The following CNTRL variants were observed in gnomAD, a reference collection of about 807,000 sequenced individuals.
The protein encoded by CNTRL is centriolin.
CNTRL carries 233 observed loss-of-function variants against 303.7 expected under a neutral mutation model. The ratio of observed to expected loss-of-function variants is 0.77; its 90% CI spans 0.69 to 0.86. CNTRL has a LOEUF of 0.86. Ranked by LOEUF, CNTRL falls within the 40% of genes least tolerant of loss-of-function variation. The pLI is 0.00. For missense variants in CNTRL, 2,524 were observed against 2,650.6 expected, an observed-to-expected ratio of 0.95 and a Z score of 1.05; for synonymous variants, 900 against 922.2, an observed-to-expected ratio of 0.98 and a Z score of 0.44.
At chr9:121,128,601 C>G (rs544575118) in intron 14 of CNTRL, among the ~76,000 whole-genome samples, 1 of 152,174 alleles carries the variant, frequency 6.6e-6, no homozygotes, top group Non-Finnish European at 1.5e-5. Context: ...TGCCTGTTCA[C>G]TCTGATGGTA....
chr9:121,117,823 CA>C (rs2050047672), intron 11 of CNTRL, among the ~76,000 whole-genome samples: 1 of 151,894 alleles, frequency 6.6e-6, no homozygotes, highest in South Asian at 2.1e-4. Context: ...ACTAAAAATA[CA>C]AAAAATTAGC....
At position 121,160,240 on chromosome 9, in the gene CNTRL, A is replaced by C. The variant is rs751358588; in HGVS notation, c.5027A>C (p.Glu1676Ala). ...ACTCAACTTACACTTATAAAGCAGG[A>C]AATTGAAAAAGAGGAAGAAAATCTT... Reference protein sequence around the residue: ...RKTQLTLIKQEIEKEEENLQV... With the variant: ...RKTQLTLIKQAIEKEEENLQV... Residue 1676 changes from glutamate (E) to alanine (A), a missense_variant, in exon 32 of 44, where the codon GAA becomes GCA. Transcript: ENST00000373855. The C allele has an allele frequency of 1.3e-6, 2 of 1,565,374 alleles. No homozygotes were observed. Among genetic ancestry groups the C allele is most frequent in the Middle Eastern group, 1.7e-4 (1 of 5,912 alleles).
rs188280309 is a variant in CNTRL at position 121,122,043 on chromosome 9, G to C, written c.1651-1888G>C. 764 of 463,176 alleles carry C rather than the reference G, an allele frequency of 1.6e-3. 2 individuals are homozygous for C. The highest frequency in any genetic ancestry group is 2.1e-3 in the Non-Finnish European group (731 of 352,620). 28.7% of individuals were successfully genotyped at this position (463,176 alleles called of 1,614,324 possible). A position where few individuals can be genotyped will look rare whatever the true frequency, so the allele number is the denominator to read the frequency against. On this transcript the variant is annotated intron_variant, in intron 12 of 43. Coordinates refer to ENST00000373855, the MANE Select transcript of CNTRL (RefSeq NM_007018.6). The stretch of plus-strand genomic sequence containing the variant: ...TGTTTTTACAATAACTCTTTTGTGA[G>C]CTCCACCGTGGTGTAAATCGCAGAA...
At chr9:121,165,173 C>A in intron 35 of CNTRL, 73 bp downstream of exon 35, 3 of 1,364,642 alleles carry the variant, frequency 2.2e-6, no homozygotes, top group Non-Finnish European at 3.0e-6. Context: ...TTTCTTACGA[C>A]AAGTAATTCC....
intron 18 of CNTRL, 119 bp downstream of exon 18, chr9:121,141,707 A>G: frequency 1.0e-6 from 1 of 987,460 alleles, no homozygotes; most frequent in Non-Finnish European, 1.5e-6. Context: ...ATTTTCACTT[A>G]TAACAAGTCA....
At position 121,075,008 on chromosome 9, in the gene CNTRL, A is replaced by G. The variant is rs2047852731; in HGVS notation, c.-264A>G. 1 of 454,480 alleles carries G rather than the reference A, an allele frequency of 2.2e-6. No homozygotes were observed. Among genetic ancestry groups the G allele is most frequent in the Non-Finnish European group, 4.4e-6 (1 of 225,810 alleles). The allele number at this position is 454,480 out of a possible 1,614,324, so 28.2% of individuals were successfully genotyped here. On this transcript the variant is annotated 5_prime_UTR_variant, in exon 1 of 44. Coordinates refer to ENST00000373855, the MANE Select transcript of CNTRL (RefSeq NM_007018.6). ...CGCGCCGCTGGGCCCCTGAGGAAAG[A>G]GCCCGAACTTCTCCCGCTCTACCTC...
chr9:121,148,757 C>A lies in CNTRL; in HGVS notation c.3545C>A (p.Pro1182His). 6.2e-7 allele frequency: 1 copy of A among 1,614,128 alleles called. No homozygotes were observed. Among genetic ancestry groups the A allele is most frequent in the Non-Finnish European group, 8.5e-7 (1 of 1,180,006 alleles). Reference sequence around the variant, plus strand: ...TCAACTCCTGTTAGAAAACCACGCCCTGGGCAGCAGGATGGGAAGGAAGGC... The same window carrying A: ...TCAACTCCTGTTAGAAAACCACGCCATGGGCAGCAGGATGGGAAGGAAGGC... ...SASTPVRKPRPGQQDGKEGSQ... is the reference protein window; with the variant it reads ...SASTPVRKPRHGQQDGKEGSQ... The change falls in exon 24 of 44, where the codon CCT becomes CAT. Residue 1182 changes from proline (P) to histidine (H), a missense_variant. Physicochemically the swap from Pro to His is moderately conservative, Grantham distance 77 (BLOSUM62 -2). Transcript: ENST00000373855.
At chr9:121,100,979 C>T (rs916293446) in intron 7 of CNTRL, among the ~76,000 whole-genome samples, 1 of 151,472 alleles carries the variant, frequency 6.6e-6, no homozygotes, top group Non-Finnish European at 1.5e-5. Flanking sequence ...TAACACCCCC[C>T]ACTGTCAATG....
At chr9:121,175,604 C>A (rs560217436) in intron 43 of CNTRL, among the ~76,000 whole-genome samples, 1 of 152,298 alleles carries the variant, frequency 6.6e-6, no homozygotes, top group South Asian at 2.1e-4. Flanking sequence ...TAATATATTA[C>A]ATAGAAAGTA....
chr9:121,152,817 A>C, intron 26 of CNTRL, 124 bp downstream of exon 26: 8 of 731,592 alleles, frequency 1.1e-5, no homozygotes, highest in Non-Finnish European at 1.6e-5. Flanking sequence ...CCACTAGCTC[A>C]GTGTGGCTGT....
chr9:121,118,317 A>T, intron 11 of CNTRL, 29 bp from the exon 12 acceptor site: 1 of 1,463,488 alleles, frequency 6.8e-7, no homozygotes, highest in Non-Finnish European at 9.1e-7. Flanking sequence ...CTTCTCTGTT[A>T]ATTATATATT....
At position 121,150,430 on chromosome 9, in the gene CNTRL, C is replaced by G. The variant is rs370197449; in HGVS notation, c.3910C>G (p.Pro1304Ala). 2 of 1,614,078 alleles carry G rather than the reference C, an allele frequency of 1.2e-6. No individual in the cohort carries two copies. The highest frequency in any genetic ancestry group is 2.7e-5 in the African/African-American group (2 of 74,938). The change falls in exon 25 of 44, where the codon CCC becomes GCC. Residue 1304 changes from proline (P) to alanine (A), a missense_variant. By Grantham distance (27) the Pro-to-Ala change is conservative (BLOSUM62 -1). Transcript: ENST00000373855. ...GCCTCCACCCCCCAACTTCTCCATC[C>G]CCTTCATCCCTATGGGTGTGCTGCA... ...YGPPPPNFSI[P>A]FIPMGVLHCN...
chr9:121,148,629 TC>T, intron 23 of CNTRL, 42 bp from the exon 24 acceptor site: 18 of 1,534,482 alleles, frequency 1.2e-5, no homozygotes, highest in Non-Finnish European at 1.6e-5. Context: ...AATCAGCCTT[TC>T]CATTTATAAT....
intron 14 of CNTRL, among the ~76,000 whole-genome samples, chr9:121,129,900 T>G (rs1380340317): frequency 6.6e-6 from 1 of 152,196 alleles, no homozygotes; most frequent in Non-Finnish European, 1.5e-5. Flanking sequence ...ATCATGTGGT[T>G]TTTGTCATTA....
chr9:121,075,194 G>C (rs1588017799), intron 1 of CNTRL, 127 bp downstream of exon 1: 1 of 339,318 alleles, frequency 2.9e-6, no homozygotes, highest in Non-Finnish European at 5.8e-6. Context: ...CGGGGCGGGG[G>C]CGCGTGTCTG....
At chr9:121,157,123 T>TA (rs768948261) in intron 27 of CNTRL, among the ~76,000 whole-genome samples, 1 of 152,260 alleles carries the variant, frequency 6.6e-6, no homozygotes, top group Non-Finnish European at 1.5e-5. Context: ...ACAGTGCTTA[T>TA]ACCATTTTAA....
At chr9:121,144,647 C>A (rs189645698) in intron 20 of CNTRL, among the ~76,000 whole-genome samples, 196 bp from the exon 21 acceptor site, 2 of 152,120 alleles carry the variant, frequency 1.3e-5, no homozygotes, top group Non-Finnish European at 2.9e-5. Context: ...TTTCTGATGC[C>A]GCACCTTGGG....
chr9:121,169,993 G>C (rs2053239854), intron 39 of CNTRL, among the ~76,000 whole-genome samples, 177 bp downstream of exon 39: 1 of 152,158 alleles, frequency 6.6e-6, no homozygotes, highest in South Asian at 2.1e-4. Context: ...AGTTTTACCT[G>C]GGACGGGTGC....
At chr9:121,125,656 T>G in intron 13 of CNTRL, 60 bp from the exon 14 acceptor site, 8 of 1,403,674 alleles carry the variant, frequency 5.7e-6, no homozygotes, top group Non-Finnish European at 8.0e-6. Flanking sequence ...AACAAAATGC[T>G]GAGCAGACAA....
Sources: allele counts gnomAD v4.1 joint callset (sites outside exome capture counted in the v4.1 genomes callset), GRCh38; gene constraint gnomAD v4.1.1; transcripts MANE v1.5; gene names NCBI Gene and HGNC (gene_info 2026-07-23, HGNC 2026-07-21).